Variants in PRDM15 observed in about 807,000 individuals in gnomAD.
PRDM15 encodes the protein PR/SET domain 15, also known as PR domain zinc finger protein 15.
In PRDM15, 64 loss-of-function variants were observed where a neutral mutation model predicts 128.6. That is an observed-to-expected ratio of 0.50 (90% CI 0.41 to 0.61). The LOEUF is 0.61. PRDM15 is among the 20% of genes least tolerant of loss of function. The pLI, the probability that PRDM15 is intolerant of heterozygous loss-of-function variation, is 0.00. For synonymous variants in PRDM15, 615 were observed against 621.8 expected (o/e 0.99, Z 0.16); for missense variants, 1,242 against 1,569.1 (o/e 0.79, Z 3.52).
At chr21:41,847,378 C>T (rs940820661) in intron 5 of PRDM15, among the ~76,000 whole-genome samples, 187 bp from the exon 6 acceptor site, 10 of 152,162 alleles carry the variant, frequency 6.6e-5, no homozygotes, top group African/African-American at 1.9e-4. Flanking sequence ...ATGGCTGATA[C>T]GGTCGTGTGA....
chr21:41,826,122 C>T (rs1168577967), intron 12 of PRDM15, 68 bp from the exon 13 acceptor site: 4 of 1,300,692 alleles, frequency 3.1e-6, no homozygotes, highest in Admixed American at 3.4e-5. Context: ...CATCAGATTC[C>T]ACTTCAGCCA....
chr21:41,821,995 C>T lies in PRDM15; in HGVS notation c.1804G>A (p.Gly602Ser), dbSNP rs558527785. The change falls in exon 15 of 24, where the codon GGC becomes AGC. Residue 602 changes from glycine (G) to serine (S), a missense_variant. This residue lies in a region of PRDM15 where 602 missense variants were observed against 788.3 expected (regional missense o/e 0.76). Transcript: ENST00000398548. The surrounding 1 kb of genome is among the most constrained non-coding windows in gnomAD (Gnocchi z 5.4). ...TCTTCCGAGGAGATCCCGATCTTGC[C>T]GATAAACTCTTCCCTCTGGTGGTCA... is the stretch of plus-strand genomic sequence containing the variant. The part of the protein sequence containing the change: ...MDDHQREEFI[G>S]KIGISSEEND... 8.1e-6 allele frequency: 13 copies of T among 1,614,182 alleles called. No homozygotes were observed. The East Asian group carries it at 8.9e-5, about 11-fold the overall frequency.
At chr21:41,855,363 A>C (rs2063547218) in intron 4 of PRDM15, among the ~76,000 whole-genome samples, 1 of 152,240 alleles carries the variant, frequency 6.6e-6, no homozygotes, top group African/African-American at 2.4e-5. Flanking sequence ...AAATGCAGGC[A>C]GGCAGCAGGG....
chr21:41,825,842 C>G lies in PRDM15; in HGVS notation c.1629+118G>C, dbSNP rs1012180834. The G allele has an allele frequency of 2.9e-5, 23 of 782,830 alleles. No individual in the cohort carries two copies. In the Admixed American group the frequency reaches 4.7e-4, roughly 16 times the overall value. The allele number at this position is 782,830 out of a possible 1,614,324, so 48.5% of individuals were successfully genotyped here. The stretch of plus-strand genomic sequence containing the variant: ...ACACCAGTTTAAGACAACCTGAGCA[C>G]CCATCGTTACCCCCCAAATCTTCCC... On this transcript the variant is annotated intron_variant, in intron 13 of 23. Transcript: ENST00000398548.
At chr21:41,874,577 G>C (rs1206546823) in intron 1 of PRDM15, among the ~76,000 whole-genome samples, 5 of 138,984 alleles carry the variant, frequency 3.6e-5, no homozygotes, top group Non-Finnish European at 6.1e-5. Context: ...AGGGTTACGA[G>C]ACACCTGAAA....
At chr21:41,845,934 C>T (rs112629909) in intron 6 of PRDM15, among the ~76,000 whole-genome samples, 1 of 152,118 alleles carries the variant, frequency 6.6e-6, no homozygotes, top group African/African-American at 2.4e-5. Context: ...GCGTGCTCTG[C>T]ACAAACGCGG....
In PRDM15 at chr21:41,862,374, C is replaced by G. The variant is rs1193496434; in HGVS notation, c.-9-2002G>C. 1.3e-5 allele frequency among the ~76,000 whole-genome samples: 2 copies of G among 152,174 alleles called. No individual in the cohort carries two copies. Among genetic ancestry groups the G allele is most frequent in the Non-Finnish European group, 2.9e-5 (2 of 68,028 alleles). ...GGGAGCCTGCACGAATCCCCTGAGG[C>G]CTTGTGTGGCCGCCTCTCCCCGGGG... On this transcript the variant is annotated intron_variant, in intron 1 of 23. Coordinates refer to ENST00000398548, the MANE Select transcript of PRDM15 (RefSeq NM_001040424.3). This position sits in a 1 kb window ranked among gnomAD's most constrained non-coding sequence, Gnocchi z 4.1.
chr21:41,801,769 G>A (rs776763439), intron 23 of PRDM15, 47 bp from the exon 24 acceptor site: 2 of 1,575,544 alleles, frequency 1.3e-6, no homozygotes, highest in East Asian at 4.5e-5. Flanking sequence ...TTGCAAAATG[G>A]GGAACGCAAG....
At chr21:41,806,064 C>T (rs999171517) in intron 21 of PRDM15, among the ~76,000 whole-genome samples, 3 of 131,674 alleles carry the variant, frequency 2.3e-5, no homozygotes, top group South Asian at 2.4e-4. Context: ...CCACCATCAC[C>T]ATCACCACCA....
intron 16 of PRDM15, 146 bp from the exon 17 acceptor site, chr21:41,820,320 C>A: frequency 1.5e-6 from 1 of 660,004 alleles, no homozygotes; most frequent in South Asian, 1.8e-5. Flanking sequence ...GAGCCTCTGC[C>A]ACGGGCTCAA....
chr21:41,861,540 C>CT (rs770588939), intron 1 of PRDM15: 16 of 1,564,036 alleles, frequency 1.0e-5, no homozygotes, highest in South Asian at 5.9e-5. Flanking sequence ...CTCTGCCCCC[C>CT]CCCAATCCCC....
At chr21:41,825,709 A>G (rs940365367) in intron 13 of PRDM15, among the ~76,000 whole-genome samples, 3 of 152,224 alleles carry the variant, frequency 2.0e-5, no homozygotes, top group African/African-American at 7.2e-5. Flanking sequence ...AATCATGGCA[A>G]AGAGGAAAAG....
At chr21:41,842,106 A>C (rs2063090659) in intron 6 of PRDM15, among the ~76,000 whole-genome samples, 1 of 152,246 alleles carries the variant, frequency 6.6e-6, no homozygotes, top group South Asian at 2.1e-4. Context: ...AAATAAAGTA[A>C]ATATACAATA....
rs564881704 is a variant in PRDM15 at position 41,854,597 on chromosome 21, G to A, written c.507C>T (p.Pro169=). 7.3e-5 allele frequency: 117 copies of A among 1,613,510 alleles called. No homozygotes were observed. The South Asian group carries it at 1.2e-3, about 16-fold the overall frequency. ...CGCCAGAGCCGGCCTGCTTCAGCAT[G>A]GGCTTGTCCATCTTCTTGGCATAGA... ...AAFYAKKMDK[P]MLKQAGSGVH... The change falls in exon 5 of 24, where the codon CCC becomes CCT. Residue 169 remains proline, a synonymous_variant. Coordinates refer to ENST00000398548, the MANE Select transcript of PRDM15 (RefSeq NM_001040424.3). The surrounding 1 kb of genome is among the most constrained non-coding windows in gnomAD (Gnocchi z 4.6).
intron 18 of PRDM15, among the ~76,000 whole-genome samples, chr21:41,818,216 G>A (rs1276053625): frequency 4.6e-5 from 7 of 152,314 alleles, no homozygotes; most frequent in African/African-American, 1.4e-4. Flanking sequence ...AGGCAGACGC[G>A]GATAAAGAGC....
intron 18 of PRDM15, 97 bp downstream of exon 18, chr21:41,819,485 T>TC: frequency 1.5e-6 from 1 of 648,910 alleles, no homozygotes; most frequent in Non-Finnish European, 2.3e-6. Flanking sequence ...ACACCCACCT[T>TC]CCCCACACTC....
intron 1 of PRDM15, chr21:41,870,885 T>A (rs2064185672): frequency 6.6e-6 from 1 of 152,210 alleles, no homozygotes; most frequent in Non-Finnish European, 1.5e-5. Context: ...GTTTACCAGA[T>A]GAGAGAGACC....
In PRDM15 at chr21:41,806,783, CACCATT is replaced by C. The variant is rs1280871368; in HGVS notation, c.2653-2175_2653-2170del. 2.6e-4 allele frequency among the ~76,000 whole-genome samples: 39 copies of C among 151,368 alleles called. 1 individual carries two copies. Among genetic ancestry groups the C allele is most frequent in the African/African-American group, 9.0e-4 (37 of 41,178 alleles). ...CCACCACCATCACTACCACTTCCAT[CACCATT>C]ACCACCATCACCGCCTCCTCCATCA... On this transcript the variant is annotated intron_variant, in intron 21 of 23. Coordinates refer to ENST00000398548, the MANE Select transcript of PRDM15 (RefSeq NM_001040424.3).
intron 19 of PRDM15, among the ~76,000 whole-genome samples, chr21:41,815,436 G>A (rs948084039): frequency 2.6e-5 from 4 of 152,220 alleles, no homozygotes; most frequent in Middle Eastern, 3.2e-3. Context: ...ACAGCTGAAC[G>A]GGAGGAACAT....
Sources: allele counts gnomAD v4.1 joint callset (sites outside exome capture counted in the v4.1 genomes callset), GRCh38; gene constraint gnomAD v4.1.1; regional missense constraint gnomAD v4.1.1; non-coding constraint Gnocchi (gnomAD v3.1); transcripts MANE v1.5; gene names NCBI Gene and HGNC (gene_info 2026-07-23, HGNC 2026-07-21).